The following ITPRID1 variants were observed in gnomAD, a reference collection of about 807,000 sequenced individuals.
ITPRID1 encodes ITPR interacting domain containing 1.
ITPRID1 carries 96 observed loss-of-function variants against 95.4 expected under a neutral mutation model. The observed-to-expected ratio is 1.01, with a 90% CI of 0.85 to 1.19. The LOEUF is 1.19. Among genes scored for constraint, ITPRID1 ranks in the 50% most tolerant of loss-of-function variants. The pLI, the probability that ITPRID1 is intolerant of heterozygous loss-of-function variation, is 0.00. For missense variants in ITPRID1, 1,339 were observed against 1,252.9 expected, an observed-to-expected ratio of 1.07 and a Z score of -1.04; for synonymous variants, 510 against 453.6, an observed-to-expected ratio of 1.12 and a Z score of -1.58.
At chr7:31,564,828 C>T (rs545486758) in intron 5 of ITPRID1, among the ~76,000 whole-genome samples, 1 of 152,260 alleles carries the variant, frequency 6.6e-6, no homozygotes, top group South Asian at 2.1e-4. Context: ...CAGATTGCTG[C>T]CCTGAAGACA....
chr7:31,620,506 G>C (rs1246970018), intron 10 of ITPRID1, among the ~76,000 whole-genome samples: 1 of 151,126 alleles, frequency 6.6e-6, no homozygotes, highest in East Asian at 1.9e-4. Context: ...ACAGGGTCTG[G>C]AGTGGACCTC....
chr7:31,554,434 G>T (rs934782382), intron 3 of ITPRID1, 41 bp from the exon 4 acceptor site: 2 of 1,601,992 alleles, frequency 1.2e-6, no homozygotes, highest in East Asian at 2.3e-5. Flanking sequence ...CTTTTAGCTG[G>T]TTGTGCTTTG....
rs149505775 is a variant in ITPRID1 at position 31,612,128 on chromosome 7, G to A, written c.1228+28937G>A. Among the ~76,000 whole-genome samples, 409 of 151,888 alleles carry A rather than the reference G, an allele frequency of 2.7e-3. 2 individuals carry two copies. Among genetic ancestry groups the A allele is most frequent in the African/African-American group, 9.6e-3 (397 of 41,466 alleles). ...TTTCTTCTGCCATCTCAGATCTGAT[G>A]TTGAGGTCCTGTACTGAATGTTTTA... On this transcript the variant is annotated intron_variant, in intron 10 of 14. Coordinates refer to ENST00000615280, the MANE Select transcript of ITPRID1 (RefSeq NM_001257967.3).
intron 10 of ITPRID1, among the ~76,000 whole-genome samples, chr7:31,637,602 ATTTG>A (rs1789615753): frequency 6.6e-6 from 1 of 152,018 alleles, no homozygotes; most frequent in African/African-American, 2.4e-5. Context: ...TTTCTCGTAA[ATTTG>A]TTTGAGTTCA....
At chr7:31,595,775 A>G (rs1333385835) in intron 10 of ITPRID1, among the ~76,000 whole-genome samples, 1 of 152,116 alleles carries the variant, frequency 6.6e-6, no homozygotes, top group Non-Finnish European at 1.5e-5. Flanking sequence ...TAATGTGGAA[A>G]GAAGAAACAA....
intron 10 of ITPRID1, among the ~76,000 whole-genome samples, chr7:31,614,787 G>A (rs10251898): frequency 0.11 from 16,543 of 152,188 alleles, 1,109 homozygotes; most frequent in Non-Finnish European, 0.15. Flanking sequence ...TTGTCATCTG[G>A]TTTGAGAACA....
At position 31,578,239 on chromosome 7, in the gene ITPRID1, A is replaced by G; in HGVS notation, c.975A>G (p.Leu325=). The stretch of plus-strand genomic sequence containing the variant: ...CTCTCCAAGCCTGTGATGATTTGCT[A>G]CCTTATCCTCCTCATGGTCTTCTGA... ...HQSLQACDDL[L]PYPPHGLLSK... The change falls in exon 9 of 15, where the codon CTA becomes CTG. Residue 325 remains leucine, a synonymous_variant. Coordinates refer to ENST00000615280, the MANE Select transcript of ITPRID1 (RefSeq NM_001257967.3). 1.2e-6 allele frequency: 2 copies of G among 1,613,806 alleles called. No homozygotes were observed. The highest frequency in any genetic ancestry group is 2.2e-5 in the South Asian group (2 of 91,070).
intron 10 of ITPRID1, among the ~76,000 whole-genome samples, chr7:31,633,181 G>A (rs935138086): frequency 2.0e-5 from 3 of 151,688 alleles, no homozygotes; most frequent in Non-Finnish European, 4.4e-5. Context: ...TACCGCGACC[G>A]GCCAGGTCTG....
chr7:31,620,330 C>A (rs970121758), intron 10 of ITPRID1, among the ~76,000 whole-genome samples: 2 of 152,026 alleles, frequency 1.3e-5, no homozygotes, highest in African/African-American at 4.8e-5. Flanking sequence ...GACCCCTGAC[C>A]CCTGAGCAGC....
intron 12 of ITPRID1, among the ~76,000 whole-genome samples, chr7:31,650,933 A>G (rs1182423140): frequency 1.3e-5 from 2 of 151,972 alleles, no homozygotes; most frequent in Non-Finnish European, 2.9e-5. Context: ...CCACCCAACA[A>G]CAGCTGCCCT....
chr7:31,553,694 A>G (rs894951935), intron 3 of ITPRID1, among the ~76,000 whole-genome samples: 3 of 152,158 alleles, frequency 2.0e-5, no homozygotes, highest in Non-Finnish European at 2.9e-5. Flanking sequence ...CAGCAGTTCA[A>G]CTGAAGAACA....
At chr7:31,533,705 TTTC>T (rs1286266273) in intron 1 of ITPRID1, among the ~76,000 whole-genome samples, 1 of 152,238 alleles carries the variant, frequency 6.6e-6, no homozygotes, top group Non-Finnish European at 1.5e-5. Flanking sequence ...TTTATTGTGA[TTTC>T]TTCTTTGACC....
chr7:31,556,214 G>C (rs976666282), intron 5 of ITPRID1, among the ~76,000 whole-genome samples: 1 of 152,140 alleles, frequency 6.6e-6, no homozygotes, highest in Non-Finnish European at 1.5e-5. Flanking sequence ...AAGACCTGGA[G>C]GAAAATTGGG....
chr7:31,651,788 C>G (rs972374257), intron 13 of ITPRID1, 151 bp from the exon 14 acceptor site: 11 of 464,824 alleles, frequency 2.4e-5, no homozygotes, highest in Non-Finnish European at 4.3e-5. Context: ...TTAAAGAAGA[C>G]AACCTTAGTA....
At chr7:31,539,613 A>C (rs769770892) in intron 1 of ITPRID1, among the ~76,000 whole-genome samples, 1 of 152,230 alleles carries the variant, frequency 6.6e-6, no homozygotes, top group Non-Finnish European at 1.5e-5. Context: ...GAGTTAAAGA[A>C]AGTGGAGAGA....
chr7:31,516,808 T>C (rs1324902560), intron 1 of ITPRID1, among the ~76,000 whole-genome samples: 4 of 152,176 alleles, frequency 2.6e-5, no homozygotes, highest in Non-Finnish European at 5.9e-5. Flanking sequence ...GCTGTGATAT[T>C]GTGGCCAGAA....
chr7:31,622,309 T>C (rs1271034471), intron 10 of ITPRID1, among the ~76,000 whole-genome samples: 1 of 152,032 alleles, frequency 6.6e-6, no homozygotes, highest in African/African-American at 2.4e-5. Flanking sequence ...TACATTTTTT[T>C]TTCAGCACCA....
chr7:31,572,149 G>C lies in ITPRID1; in HGVS notation c.356G>C (p.Ser119Thr), dbSNP rs202157240. The C allele has an allele frequency of 1.2e-6, 2 of 1,611,968 alleles. No individual in the cohort carries two copies. The highest frequency in any genetic ancestry group is 2.7e-5 in the African/African-American group (2 of 75,014). ...ACTCCCATCCTATCCAGAGGGACCA[G>C]TTTCAACTCTTGCTATTCTACTGCA... is the stretch of plus-strand genomic sequence containing the variant. ...SETPILSRGT[S>T]FNSCYSTASV... The change falls in exon 7 of 15, where the codon AGT (serine) becomes ACT (threonine). Residue 119 changes from serine to threonine, a missense_variant. Transcript: ENST00000615280.
At chr7:31,650,285 C>A (rs1790834417) in intron 12 of ITPRID1, among the ~76,000 whole-genome samples, 1 of 152,202 alleles carries the variant, frequency 6.6e-6, no homozygotes, top group South Asian at 2.1e-4. Context: ...CTTTAGATTT[C>A]TCAGTCAGGC....
Sources: gnomAD v4.1 joint callset for allele counts (sites outside exome capture counted in the v4.1 genomes callset) on GRCh38, gnomAD v4.1.1 for gene constraint, MANE v1.5 for transcripts, NCBI Gene and HGNC (gene_info 2026-07-23, HGNC 2026-07-21) for gene names.